Variants in TNFRSF10D observed in about 807,000 individuals in gnomAD.
TNFRSF10D encodes TNF receptor superfamily member 10d.
Under a neutral mutation model 42.1 loss-of-function variants are expected in TNFRSF10D, and 28 were observed. The observed-to-expected ratio is 0.66, with a 90% CI of 0.49 to 0.91. TNFRSF10D has a LOEUF of 0.91. TNFRSF10D is among the 40% of genes least tolerant of loss of function. The probability of loss-of-function intolerance (pLI) is 0.00; values close to 1 mark genes in which losing one functional copy is unlikely to be tolerated. For synonymous variants in TNFRSF10D, 186 were observed against 189.4 expected (o/e 0.98, Z 0.15); for missense variants, 503 against 486.1 (o/e 1.03, Z -0.33).
chr8:23,137,883 G>GT lies in TNFRSF10D; in HGVS notation c.1147dup (p.Thr383AsnfsTer57). 6.2e-7 allele frequency: 1 copy of GT among 1,613,726 alleles called. No individual in the cohort carries two copies. The highest frequency in any genetic ancestry group is 8.5e-7 in the Non-Finnish European group (1 of 1,179,824). ...GAAGAGATTCTTTCACAGGCAGGAC[G>GT]TAGCAGAGCCTGCCTCATCTTCTTC... On this transcript the variant is annotated frameshift_variant, in exon 9 of 9. Coordinates refer to ENST00000312584, the MANE Select transcript of TNFRSF10D (RefSeq NM_003840.5). LOFTEE classifies it high-confidence loss of function.
intron 1 of TNFRSF10D, among the ~76,000 whole-genome samples, chr8:23,162,011 G>C (rs367988493): frequency 3.3e-5 from 5 of 152,050 alleles, no homozygotes; most frequent in South Asian, 2.1e-4. Context: ...ATATCCCATC[G>C]GGATGGGATA....
Position 23,137,993 on chromosome 8 carries a change from CA to C in TNFRSF10D, c.1037del (p.Leu346CysfsTer71). On this transcript the variant is annotated frameshift_variant, in exon 9 of 9. Transcript: ENST00000312584. LOFTEE classifies it low-confidence loss of function (END_TRUNC). ...NDADSADIST[L>X]LDASATLEEG... The stretch of plus-strand genomic sequence containing the variant: ...CTTCCAGTGTTGCCGAGGCATCCAG[CA>C]AGGTGCTGACTGAGAAGAGAGAAGA... 1.9e-6 allele frequency: 3 copies of C among 1,614,136 alleles called. No homozygotes were observed. Among genetic ancestry groups the C allele is most frequent in the Non-Finnish European group, 2.5e-6 (3 of 1,179,996 alleles).
rs756056407 is a variant in TNFRSF10D, at chr8:23,137,982, G to C, written c.1049C>G (p.Ser350Trp). ...SADISTLLDA[S>W]ATLEEGHAKE... ...TGCATGTCCTTCTTCCAGTGTTGCCGAGGCATCCAGCAAGGTGCTGACTGA... is the reference window on the plus strand; with the variant it reads ...TGCATGTCCTTCTTCCAGTGTTGCCCAGGCATCCAGCAAGGTGCTGACTGA... The change falls in exon 9 of 9, where the codon TCG (serine) becomes TGG (tryptophan). Residue 350 changes from serine (S) to tryptophan (W), a missense_variant. Coordinates refer to ENST00000312584, the MANE Select transcript of TNFRSF10D (RefSeq NM_003840.5). 6.2e-7 allele frequency: 1 copy of C among 1,614,170 alleles called. No individual in the cohort carries two copies. The highest frequency in any genetic ancestry group is 8.5e-7 in the Non-Finnish European group (1 of 1,180,026).
rs1358316744 is a variant in TNFRSF10D, at chr8:23,136,786, A to AATAAATAAATAAATATTTATTT, written c.*1062_*1083dup. 1.1e-4 allele frequency: 16 copies of AATAAATAAATAAATATTTATTT among 151,926 alleles called. No individual in the cohort carries two copies. Among genetic ancestry groups the AATAAATAAATAAATATTTATTT allele is most frequent in the Middle Eastern group, 3.4e-3 (1 of 292 alleles). 9.4% of individuals were successfully genotyped at this position (151,926 alleles called of 1,614,324 possible). A position where few individuals can be genotyped will look rare whatever the true frequency, so the allele number is the denominator to read the frequency against. On this transcript the variant is annotated 3_prime_UTR_variant, in exon 9 of 9. Coordinates refer to ENST00000312584, the MANE Select transcript of TNFRSF10D (RefSeq NM_003840.5). ...GGGCATATGTAAACATCTACTTATA[A>AATAAATAAATAAATATTTATTT]ATAAATAAATAAATATTTATTTATA...
chr8:23,141,400 G>A (rs899286661), intron 7 of TNFRSF10D, among the ~76,000 whole-genome samples: 4 of 152,088 alleles, frequency 2.6e-5, no homozygotes, highest in Admixed American at 2.6e-4. Context: ...AGCAACTAGG[G>A]GGGCTGAGGA....
intron 3 of TNFRSF10D, 28 bp from the exon 4 acceptor site, chr8:23,147,100 A>T: frequency 6.3e-7 from 1 of 1,594,124 alleles, no homozygotes; most frequent in Non-Finnish European, 8.6e-7. Context: ...GGTTTTGAGA[A>T]TGTGTTTCCC....
chr8:23,141,846 G>T (rs1800024089), intron 7 of TNFRSF10D, among the ~76,000 whole-genome samples: 1 of 152,132 alleles, frequency 6.6e-6, no homozygotes, highest in African/African-American at 2.4e-5. Context: ...GAAGAAAAAG[G>T]ATCATTTATA....
At chr8:23,163,703 C>T in intron 1 of TNFRSF10D, 83 bp downstream of exon 1, 1 of 1,543,428 alleles carries the variant, frequency 6.5e-7, no homozygotes, top group Non-Finnish European at 8.7e-7. Context: ...GGCCAAGCAT[C>T]CCCACCGTGT....
rs1238338393 is a variant in TNFRSF10D, at chr8:23,154,899, G to A, written c.231C>T (p.Ser77=). The change falls in exon 2 of 9, where the codon AGC becomes AGT. Residue 77 remains serine, a synonymous_variant. Coordinates refer to ENST00000312584, the MANE Select transcript of TNFRSF10D (RefSeq NM_003840.5). ...CTGCTGGACACTCCTCCTCCTTGAG[G>A]CTGCGCCTCTGTTGCTGTGGGGCCA... is the stretch of plus-strand genomic sequence containing the variant. ...QTVAPQQQRR[S]LKEEECPAGS... The A allele has an allele frequency of 6.2e-7, 1 of 1,613,868 alleles. No individual in the cohort carries two copies. Among genetic ancestry groups the A allele is most frequent in the Non-Finnish European group, 8.5e-7 (1 of 1,179,860 alleles).
chr8:23,155,839 C>T (rs1042579954), intron 1 of TNFRSF10D, among the ~76,000 whole-genome samples: 3 of 151,954 alleles, frequency 2.0e-5, no homozygotes, highest in Non-Finnish European at 4.4e-5. Context: ...CTCTCTCTCG[C>T]ACACACACAG....
At chr8:23,163,011 T>C (rs1197800467) in intron 1 of TNFRSF10D, among the ~76,000 whole-genome samples, 1 of 150,304 alleles carries the variant, frequency 6.7e-6, no homozygotes, top group Non-Finnish European at 1.5e-5. Context: ...AACCTCTGCC[T>C]CCCGGGTTCA....
intron 7 of TNFRSF10D, among the ~76,000 whole-genome samples, chr8:23,141,046 G>A (rs778317810): frequency 3.9e-5 from 6 of 152,054 alleles, no homozygotes; most frequent in Non-Finnish European, 7.4e-5. Flanking sequence ...AAGTTTAAAG[G>A]TAAGACCATG....
intron 1 of TNFRSF10D, among the ~76,000 whole-genome samples, chr8:23,160,406 G>A (rs193119074): frequency 3.9e-5 from 6 of 152,318 alleles, no homozygotes; most frequent in African/African-American, 1.2e-4. Context: ...CAGAGGCCAA[G>A]TGCAGGACAG....
Position 23,161,368 on chromosome 8 carries a change from G to A in TNFRSF10D, c.150+2418C>T, listed in dbSNP as rs555636879. On this transcript the variant is annotated intron_variant, in intron 1 of 8. Coordinates refer to ENST00000312584, the MANE Select transcript of TNFRSF10D (RefSeq NM_003840.5). Reference sequence around the variant, plus strand: ...ACTTTGATAAAGAGAAGGGCGGGGCGGAAGCCTCTGTCACACAGATTGGAA... The same window carrying A: ...ACTTTGATAAAGAGAAGGGCGGGGCAGAAGCCTCTGTCACACAGATTGGAA... Among the ~76,000 whole-genome samples the A allele has an allele frequency of 5.9e-5, 9 of 152,332 alleles. No homozygotes were observed. The South Asian group carries it at 1.2e-3, about 21-fold the overall frequency.
rs1411189586 is a variant in TNFRSF10D, at chr8:23,137,374, T to C, written c.*496A>G. 2 of 152,858 alleles carry C rather than the reference T, an allele frequency of 1.3e-5. No individual in the cohort carries two copies. Among genetic ancestry groups the C allele is most frequent in the Non-Finnish European group, 2.9e-5 (2 of 68,532 alleles). The allele number at this position is 152,858 out of a possible 1,614,324, so 9.5% of individuals were successfully genotyped here. ...GCATCTGTAGTTAGATGTCATTAAATGCACACACCAGTAGAGATGGAGCTT... is the reference window on the plus strand; with the variant it reads ...GCATCTGTAGTTAGATGTCATTAAACGCACACACCAGTAGAGATGGAGCTT... On this transcript the variant is annotated 3_prime_UTR_variant, in exon 9 of 9. Coordinates refer to ENST00000312584, the MANE Select transcript of TNFRSF10D (RefSeq NM_003840.5).
chr8:23,157,459 TC>T, intron 1 of TNFRSF10D, among the ~76,000 whole-genome samples: 1 of 152,262 alleles, frequency 6.6e-6, no homozygotes, highest in East Asian at 1.9e-4. Flanking sequence ...GTGTTTTATA[TC>T]CCAGAACCCA....
chr8:23,152,482 C>G (rs115102844), intron 2 of TNFRSF10D, among the ~76,000 whole-genome samples: 933 of 152,196 alleles, frequency 6.1e-3, no homozygotes, highest in African/African-American at 0.019. Flanking sequence ...GTAGTCAGCT[C>G]CTGTGGGATG....
rs1371277526 is a variant in TNFRSF10D at position 23,145,672 on chromosome 8, G to A, written c.732C>T (p.Cys244=). The A allele has an allele frequency of 1.9e-6, 3 of 1,613,906 alleles. No homozygotes were observed. In the Admixed American group the frequency reaches 5.0e-5, roughly 27 times the overall value. ...KKFISYLKGI[C]SGGGGGPERV... Reference sequence around the variant, plus strand: ...CCACCCTCAGCCAGCACCTACCTGAGCAGATGCCTTTGAGGTAAGAAATGA... The same window carrying A: ...CCACCCTCAGCCAGCACCTACCTGAACAGATGCCTTTGAGGTAAGAAATGA... The change falls in exon 5 of 9, where the codon TGC becomes TGT. Residue 244 remains cysteine (C), a synonymous_variant. Transcript: ENST00000312584.
chr8:23,138,073 C>T, intron 8 of TNFRSF10D, 70 bp from the exon 9 acceptor site: 2 of 1,608,306 alleles, frequency 1.2e-6, no homozygotes, highest in Middle Eastern at 1.7e-4. Flanking sequence ...ACATGGGGCC[C>T]CCTGCTTCCA....
Sources: allele counts gnomAD v4.1 joint callset (sites outside exome capture counted in the v4.1 genomes callset), GRCh38; gene constraint gnomAD v4.1.1; transcripts MANE v1.5; gene names NCBI Gene and HGNC (gene_info 2026-07-23, HGNC 2026-07-21).